KIF18A: variants seen among roughly 807,000 people sequenced by gnomAD.
KIF18A encodes kinesin family member 18A.
In KIF18A, 67 loss-of-function variants were observed where a neutral mutation model predicts 103.3. The ratio of observed to expected loss-of-function variants is 0.65; its 90% CI spans 0.53 to 0.79. KIF18A has a LOEUF of 0.79. Among genes scored for constraint, KIF18A ranks in the 30% least tolerant of loss-of-function variants. The pLI, the probability that KIF18A is intolerant of heterozygous loss-of-function variation, is 0.00. For missense variants in KIF18A, 1,032 were observed against 1,062.5 expected (o/e 0.97, Z 0.40); for synonymous variants, 367 against 355.5 (o/e 1.03, Z -0.36).
At chr11:28,078,557 T>C (rs1463892001) in intron 9 of KIF18A, among the ~76,000 whole-genome samples, 1 of 152,120 alleles carries the variant, frequency 6.6e-6, no homozygotes, top group African/African-American at 2.4e-5. Context: ...AAAGCTATCG[T>C]TTTAAAACTG....
chr11:28,104,271 A>G (rs1416468869), intron 1 of KIF18A, among the ~76,000 whole-genome samples: 1 of 152,332 alleles, frequency 6.6e-6, no homozygotes, highest in South Asian at 2.1e-4. Context: ...TCTCATCATA[A>G]GAATAAAATA....
Position 28,074,994 on chromosome 11 carries a change from G to A in KIF18A, c.1425+2013C>T, listed in dbSNP as rs1044148175. Reference sequence around the variant, plus strand: ...TCTTTGGTGCTCCGTAGTTTCACACGTTTAGGTATATATTTATCTTATACT... The same window carrying A: ...TCTTTGGTGCTCCGTAGTTTCACACATTTAGGTATATATTTATCTTATACT... On this transcript the variant is annotated intron_variant, in intron 10 of 16. Coordinates refer to ENST00000263181, the MANE Select transcript of KIF18A (RefSeq NM_031217.4). 5.9e-5 allele frequency among the ~76,000 whole-genome samples: 9 copies of A among 152,112 alleles called. No individual in the cohort carries two copies. The South Asian group carries it at 6.2e-4, about 11-fold the overall frequency.
intron 11 of KIF18A, 70 bp downstream of exon 11, chr11:28,069,189 T>C: frequency 1.7e-6 from 2 of 1,185,914 alleles, no homozygotes; most frequent in Non-Finnish European, 2.5e-6. Flanking sequence ...ATTTACTCAA[T>C]AAGAAAAAGA....
In KIF18A at chr11:28,069,430, C is replaced by T. The variant is rs774917921; in HGVS notation, c.1426-7G>A. 5 of 1,609,940 alleles carry T rather than the reference C, an allele frequency of 3.1e-6. No homozygotes were observed. Among genetic ancestry groups the T allele is most frequent in the African/African-American group, 1.3e-5 (1 of 74,530 alleles). ...GATCTCGTTTTCCAGTGGCCTGAAACACGATTCATTTAACAGTAAATCTAA... is the reference window on the plus strand; with the variant it reads ...GATCTCGTTTTCCAGTGGCCTGAAATACGATTCATTTAACAGTAAATCTAA... On this transcript the variant is annotated splice_polypyrimidine_tract_variant and splice_region_variant and intron_variant, in intron 10 of 16. Transcript: ENST00000263181.
At chr11:28,089,673 T>C (rs1219027697) in intron 5 of KIF18A, among the ~76,000 whole-genome samples, 2 of 152,200 alleles carry the variant, frequency 1.3e-5, no homozygotes, top group Non-Finnish European at 2.9e-5. Context: ...TGAAATGTCG[T>C]TATGCGGCAC....
chr11:28,026,939 T>C (rs1019986020), intron 15 of KIF18A, among the ~76,000 whole-genome samples: 1 of 151,814 alleles, frequency 6.6e-6, no homozygotes, highest in Non-Finnish European at 1.5e-5. Flanking sequence ...TTAGCAAATA[T>C]AAAATTTTAA....
At chr11:28,028,644 A>C (rs529987088) in intron 15 of KIF18A, among the ~76,000 whole-genome samples, 1 of 151,992 alleles carries the variant, frequency 6.6e-6, no homozygotes, top group South Asian at 2.1e-4. Flanking sequence ...CAAACACATT[A>C]AAAAGCCAGC....
rs147090776 is a variant in KIF18A, at chr11:28,036,396, T to C, written c.2217A>G (p.Ile739Met). The C allele has an allele frequency of 7.4e-6, 12 of 1,611,170 alleles. No homozygotes were observed. The highest frequency in any genetic ancestry group is 1.0e-5 in the Non-Finnish European group (12 of 1,178,252). Residue 739 changes from isoleucine to methionine, a missense_variant, in exon 14 of 17, where the codon ATA becomes ATG. Transcript: ENST00000263181. The stretch of plus-strand genomic sequence containing the variant: ...ACATTTTCAGACAATTATCACTGTT[T>C]ATGTTTGAGCTGATAGCCTGAAAAC... Reference protein sequence around the residue: ...TTSFQAISSNINSDNCLKMLC... With the variant: ...TTSFQAISSNMNSDNCLKMLC...
At chr11:28,050,749 G>A (rs1022324306) in intron 13 of KIF18A, among the ~76,000 whole-genome samples, 5 of 151,590 alleles carry the variant, frequency 3.3e-5, no homozygotes, top group Non-Finnish European at 5.9e-5. Context: ...CAGCACCCCC[G>A]TCTTGCACTA....
intron 13 of KIF18A, among the ~76,000 whole-genome samples, chr11:28,056,139 C>G (rs1565077851): frequency 6.7e-6 from 1 of 148,868 alleles, no homozygotes; most frequent in Non-Finnish European, 1.5e-5. Context: ...TCTATATGTT[C>G]AGTACAGATG....
intron 13 of KIF18A, among the ~76,000 whole-genome samples, chr11:28,048,761 T>A (rs1850672207): frequency 6.6e-6 from 1 of 152,070 alleles, no homozygotes; most frequent in African/African-American, 2.4e-5. Flanking sequence ...AAAGGAAAGA[T>A]GATCCATTAA....
intron 11 of KIF18A, among the ~76,000 whole-genome samples, chr11:28,068,647 A>C (rs1028174437): frequency 6.6e-6 from 1 of 152,104 alleles, no homozygotes; most frequent in African/African-American, 2.4e-5. Flanking sequence ...TTAGGTGTGT[A>C]AACTTGAGAC....
At chr11:28,050,220 G>T (rs1850694516) in intron 13 of KIF18A, among the ~76,000 whole-genome samples, 1 of 151,722 alleles carries the variant, frequency 6.6e-6, no homozygotes, top group South Asian at 2.1e-4. Flanking sequence ...ACAATACAAA[G>T]AACCTTTTAA....
intron 1 of KIF18A, among the ~76,000 whole-genome samples, chr11:28,102,863 C>T (rs1030866717): frequency 1.3e-5 from 2 of 152,204 alleles, no homozygotes; most frequent in Admixed American, 1.3e-4. Flanking sequence ...TCTTTGTTTT[C>T]TAGGATGGCT....
intron 11 of KIF18A, among the ~76,000 whole-genome samples, 199 bp downstream of exon 11, chr11:28,069,060 G>T (rs1384338110): frequency 2.6e-5 from 4 of 152,088 alleles, no homozygotes; most frequent in Non-Finnish European, 4.4e-5. Flanking sequence ...GGTTGAAATA[G>T]AATTGTTTAT....
chr11:28,024,126 G>A lies in KIF18A; in HGVS notation c.2505-276C>T, dbSNP rs866256356. On this transcript the variant is annotated intron_variant, in intron 15 of 16. Transcript: ENST00000263181. ...GTAGCAGAATATTCCAGGGTGCTTT[G>A]CTGGCAGATAAGTAAGCACTATTAT... 6.0e-5 allele frequency among the ~76,000 whole-genome samples: 9 copies of A among 149,580 alleles called. No individual in the cohort carries two copies. In the South Asian group the frequency reaches 1.9e-3, roughly 32 times the overall value.
At chr11:28,083,313 A>T (rs1242345117) in intron 7 of KIF18A, 70 bp from the exon 8 acceptor site, 1 of 1,432,986 alleles carries the variant, frequency 7.0e-7, no homozygotes, top group Non-Finnish European at 9.2e-7. Context: ...CATGAATAAC[A>T]TGACATTGCA....
At position 28,087,851 on chromosome 11, in the gene KIF18A, C is replaced by T. The variant is rs761629956; in HGVS notation, c.897+673G>A. On this transcript the variant is annotated intron_variant, in intron 6 of 16. Transcript: ENST00000263181. ...TTCTAATGACTAATGATGAGCTTTTCGAACAGTTTAACAAGCTAAAGCTTT... is the reference window on the plus strand; with the variant it reads ...TTCTAATGACTAATGATGAGCTTTTTGAACAGTTTAACAAGCTAAAGCTTT... Among the ~76,000 whole-genome samples the T allele has an allele frequency of 4.6e-5, 7 of 152,158 alleles. No homozygotes were observed. The South Asian group carries it at 8.3e-4, about 18-fold the overall frequency.
At chr11:28,081,607 C>T (rs534136113) in intron 9 of KIF18A, among the ~76,000 whole-genome samples, 5 of 152,222 alleles carry the variant, frequency 3.3e-5, no homozygotes, top group Non-Finnish European at 7.4e-5. Flanking sequence ...TGACAATACA[C>T]CTGGTCACTC....
Sources: allele counts gnomAD v4.1 joint callset (sites outside exome capture counted in the v4.1 genomes callset), GRCh38; gene constraint gnomAD v4.1.1; transcripts MANE v1.5; gene names NCBI Gene and HGNC (gene_info 2026-07-23, HGNC 2026-07-21).